GCC2: variants seen among roughly 807,000 people sequenced by gnomAD.
The protein encoded by GCC2 is GRIP and coiled-coil domain containing 2.
A neutral mutation model predicts 210.6 loss-of-function variants in GCC2; 120 were observed. That is an observed-to-expected ratio of 0.57 (90% confidence interval 0.49 to 0.66). GCC2 has a LOEUF of 0.66. GCC2 is among the 30% of genes least tolerant of loss of function. The pLI is 0.00. For synonymous variants in GCC2, 703 were observed against 652.7 expected, an observed-to-expected ratio of 1.08 and a Z score of -1.17; for missense variants, 1,868 against 1,871.9, an observed-to-expected ratio of 1.00 and a Z score of 0.04.
intron 9 of GCC2, among the ~76,000 whole-genome samples, chr2:108,477,982 G>A (rs1214928317): frequency 6.6e-6 from 1 of 152,204 alleles, no homozygotes; most frequent in East Asian, 1.9e-4. Flanking sequence ...GAAGGTGGCA[G>A]TTGCAGTGAG....
chr2:108,489,155 C>G lies in GCC2; in HGVS notation c.4053-683C>G, dbSNP rs11894049. 4.7e-3 allele frequency among the ~76,000 whole-genome samples: 710 copies of G among 152,292 alleles called. 6 individuals carry two copies. Among genetic ancestry groups the G allele is most frequent in the African/African-American group, 0.016 (673 of 41,562 alleles). On this transcript the variant is annotated intron_variant, in intron 17 of 22. Coordinates refer to ENST00000309863, the MANE Select transcript of GCC2 (RefSeq NM_181453.4). ...TTTTCCAAGTCTAAAAAGACCTGCT[C>G]TTCTTCAGGGATTATCTTTCACTGT...
intron 22 of GCC2, among the ~76,000 whole-genome samples, chr2:108,503,474 C>T (rs1270916202): frequency 1.3e-5 from 2 of 152,276 alleles, no homozygotes; most frequent in East Asian, 1.9e-4. Context: ...GAAAGAAAGA[C>T]ATGCAAAGGA....
chr2:108,497,161 ACCCT>A (rs1682686473), intron 21 of GCC2, 52 bp downstream of exon 21: 1 of 1,610,996 alleles, frequency 6.2e-7, no homozygotes, highest in African/African-American at 1.3e-5. Flanking sequence ...GGTTTTCTTG[ACCCT>A]CCATACACAT....
intron 2 of GCC2, among the ~76,000 whole-genome samples, chr2:108,450,803 A>AC (rs1441019740): frequency 6.6e-6 from 1 of 152,040 alleles, no homozygotes; most frequent in African/African-American, 2.4e-5. Flanking sequence ...AATTGCTTGA[A>AC]CTTGGGAGGC....
chr2:108,463,311 G>C (rs1488689108), intron 4 of GCC2, among the ~76,000 whole-genome samples: 1 of 151,918 alleles, frequency 6.6e-6, no homozygotes, highest in Non-Finnish European at 1.5e-5. Flanking sequence ...CTGTGCATCT[G>C]GTATAATAGT....
At chr2:108,452,262 G>A (rs1022100584) in intron 3 of GCC2, 137 bp from the exon 4 acceptor site, 6 of 665,796 alleles carry the variant, frequency 9.0e-6, no homozygotes, top group Non-Finnish European at 1.6e-5. Context: ...TGAGTGCAGA[G>A]ATTAATCATA....
At position 108,486,587 on chromosome 2, in the gene GCC2, GTACGCTAAGTGCA is replaced by G. The variant is rs1558752584; in HGVS notation, c.3873_3885del (p.Leu1292SerfsTer4). 1 of 1,613,722 alleles carries G rather than the reference GTACGCTAAGTGCA, an allele frequency of 6.2e-7. No homozygotes were observed. The highest frequency in any genetic ancestry group is 8.5e-7 in the Non-Finnish European group (1 of 1,179,644). On this transcript the variant is annotated frameshift_variant, in exon 16 of 23. Coordinates refer to ENST00000309863, the MANE Select transcript of GCC2 (RefSeq NM_181453.4). LOFTEE classifies it high-confidence loss of function. ...AAAACCTCTGCGGAACAGCACCAGC[GTACGCTAAGTGCA>G]TACCAGCAGAGAGTGACAGCACTAC...
chr2:108,489,447 G>A (rs1174104423), intron 17 of GCC2, among the ~76,000 whole-genome samples: 7 of 151,844 alleles, frequency 4.6e-5, no homozygotes, highest in East Asian at 3.9e-4. Flanking sequence ...CCTGGGAGGC[G>A]GAAGCTGCAG....
chr2:108,482,048 T>C (rs1470155565), intron 10 of GCC2, among the ~76,000 whole-genome samples: 1 of 152,218 alleles, frequency 6.6e-6, no homozygotes, highest in Non-Finnish European at 1.5e-5. Context: ...GGGGGTTTGT[T>C]TGTTTTTCGT....
At position 108,471,056 on chromosome 2, in the gene GCC2, G is replaced by A; in HGVS notation, c.1727G>A (p.Ser576Asn). The change falls in exon 6 of 23, where the codon AGT (serine) becomes AAT (asparagine). Residue 576 changes from serine to asparagine, a missense_variant. Around this residue, in one of 3 missense-constraint regions of GCC2, gnomAD observed 1,847 missense variants for 1,765.2 expected, o/e 1.05. Transcript: ENST00000309863. ...AATGGAGTATACTTACTTAGTCTCA[G>A]TCAAAGAGATACCATGTTAAAAGAA... ...EKNGVYLLSL[S>N]QRDTMLKELE... is the part of the protein sequence containing the mutation. 6.3e-7 allele frequency: 1 copy of A among 1,591,414 alleles called. No homozygotes were observed. The highest frequency in any genetic ancestry group is 8.6e-7 in the Non-Finnish European group (1 of 1,162,522).
chr2:108,462,540 ATGTCACAAAGACTT>A (rs1367387009), intron 4 of GCC2: 2 of 108,062 alleles, frequency 1.9e-5, no homozygotes, highest in Non-Finnish European at 3.8e-5. Context: ...GGAGTTGCAT[ATGTCACAAAGACTT>A]CGCTTCTTTT....
intron 22 of GCC2, among the ~76,000 whole-genome samples, chr2:108,501,810 A>AT (rs954616193): frequency 3.9e-5 from 6 of 152,018 alleles, no homozygotes; most frequent in East Asian, 1.9e-4. Flanking sequence ...TTCAGGCTTA[A>AT]TTTTTTTTAC....
Position 108,477,360 on chromosome 2 carries a change from C to T in GCC2, c.3060+1510C>T, listed in dbSNP as rs11892070. Among the ~76,000 whole-genome samples the T allele has an allele frequency of 4.6e-3, 708 of 152,276 alleles. 6 individuals carry two copies. The highest frequency in any genetic ancestry group is 0.016 in the African/African-American group (671 of 41,542). ...TATCTCAATATGTTAATTCTCAAAA[C>T]AACCCCCAAGTATATTAGCATCAAC... is the stretch of plus-strand genomic sequence containing the variant. On this transcript the variant is annotated intron_variant, in intron 9 of 22. Transcript: ENST00000309863.
chr2:108,481,315 G>T (rs1681838115), intron 9 of GCC2, among the ~76,000 whole-genome samples: 1 of 152,172 alleles, frequency 6.6e-6, no homozygotes, highest in Non-Finnish European at 1.5e-5. Context: ...GAATTCTTCA[G>T]GTGGAGTTAG....
chr2:108,487,719 C>T lies in GCC2; in HGVS notation c.3951C>T (p.Thr1317=). ...RAAKAEQATV[T]SEFESYKVRV... The stretch of plus-strand genomic sequence containing the variant: ...TATAGGCAGAACAAGCTACTGTAAC[C>T]TCTGAATTCGAGAGCTACAAAGTCC... Residue 1317 remains threonine, a synonymous_variant, in exon 17 of 23, where the codon ACC becomes ACT. Transcript: ENST00000309863. 1 of 1,613,072 alleles carries T rather than the reference C, an allele frequency of 6.2e-7. No homozygotes were observed. The highest frequency in any genetic ancestry group is 1.1e-5 in the South Asian group (1 of 91,028).
chr2:108,492,104 C>T (rs1444720819), intron 18 of GCC2, among the ~76,000 whole-genome samples: 1 of 149,028 alleles, frequency 6.7e-6, no homozygotes, highest in Non-Finnish European at 1.5e-5. Flanking sequence ...TGGATACTTT[C>T]CTCTAAAGTT....
At chr2:108,468,366 T>G (rs1681012060) in intron 4 of GCC2, among the ~76,000 whole-genome samples, 1 of 152,190 alleles carries the variant, frequency 6.6e-6, no homozygotes, top group Non-Finnish European at 1.5e-5. Flanking sequence ...ATCCCCGACT[T>G]ACATAGATAT....
intron 19 of GCC2, 130 bp downstream of exon 19, chr2:108,492,920 A>G: frequency 1.4e-6 from 1 of 703,716 alleles, no homozygotes; most frequent in Admixed American, 2.5e-5. Flanking sequence ...TGATTAATGA[A>G]TTTTGGATTT....
rs1168029202 is a variant in GCC2 at position 108,475,636 on chromosome 2, G to T, written c.2961+1G>T. The T allele has an allele frequency of 6.6e-7, 1 of 1,521,402 alleles. No homozygotes were observed. The highest frequency in any genetic ancestry group is 8.9e-7 in the Non-Finnish European group (1 of 1,122,672). The allele number at this position is 1,521,402 out of a possible 1,614,324, so 94.2% of individuals were successfully genotyped here. A position where few individuals can be genotyped will look rare whatever the true frequency, so the allele number is the denominator to read the frequency against. On this transcript the variant is annotated splice_donor_variant, in intron 8 of 22. Coordinates refer to ENST00000309863, the MANE Select transcript of GCC2 (RefSeq NM_181453.4). LOFTEE classifies it high-confidence loss of function. ...AGAACTAGATTCCAGCAGAAAAGAG[G>T]TGAGCTGACTTTAAAAATGTAAGAT...
Sources: allele counts gnomAD v4.1 joint callset (sites outside exome capture counted in the v4.1 genomes callset), GRCh38; gene constraint gnomAD v4.1.1; regional missense constraint gnomAD v4.1.1; transcripts MANE v1.5; gene names NCBI Gene and HGNC (gene_info 2026-07-23, HGNC 2026-07-21).